The following SFXN3 variants were observed in gnomAD, a reference collection of about 807,000 sequenced individuals.
SFXN3 encodes the protein sideroflexin-3.
A neutral mutation model predicts 40.4 loss-of-function variants in SFXN3; 31 were observed. That is an observed-to-expected ratio of 0.77 (90% confidence interval 0.58 to 1.04). The LOEUF (loss-of-function observed/expected upper bound fraction) is 1.04. Ranked by LOEUF, SFXN3 falls within the 50% of genes least tolerant of loss-of-function variation. SFXN3 has a pLI of 0.00. For missense variants in SFXN3, 366 were observed against 408.2 expected (o/e 0.90, Z 0.89); for synonymous variants, 157 against 160.0 (o/e 0.98, Z 0.14).
chr10:101,032,323 A>G, exon 2 of SFXN3: 3 of 887,932 alleles, frequency 3.4e-6, no homozygotes, highest in Non-Finnish European at 4.9e-6. Flanking sequence ...GGTTCTGCCA[A>G]TCCCCGTGCC....
intron 9 of SFXN3, 64 bp downstream of exon 9, chr10:101,037,495 A>G (rs878898133): frequency 6.2e-7 from 1 of 1,613,158 alleles, no homozygotes; most frequent in Non-Finnish European, 8.5e-7. Flanking sequence ...CCAGGCCCCA[A>G]CTCTCTCTCC....
intron 10 of SFXN3, 72 bp downstream of exon 10, chr10:101,038,764 T>A: frequency 1.3e-6 from 2 of 1,596,612 alleles, no homozygotes; most frequent in Non-Finnish European, 1.7e-6. Context: ...GGGTATGGAT[T>A]GTCTTTAAGA....
intron 4 of SFXN3, 43 bp downstream of exon 4, chr10:101,035,710 G>A (rs754528242): frequency 6.4e-7 from 1 of 1,567,108 alleles, no homozygotes; most frequent in Non-Finnish European, 8.7e-7. Flanking sequence ...CCCTAAGCTA[G>A]AGCATAGCTT....
Position 101,039,247 on chromosome 10 carries a change from G to C in SFXN3, c.869+25G>C. 1 of 1,591,922 alleles carries C rather than the reference G, an allele frequency of 6.3e-7. No homozygotes were observed. The highest frequency in any genetic ancestry group is 8.6e-7 in the Non-Finnish European group (1 of 1,167,160). On this transcript the variant is annotated intron_variant, in intron 11 of 11. Transcript: ENST00000393459. The surrounding 1 kb of genome is among the most constrained non-coding windows in gnomAD (Gnocchi z 4.6). ...GGTAAGTGCTGTCCCTGGGCTGGGTGGGGGACTCTGGATTGGACTCTGCAT... is the reference window on the plus strand; with the variant it reads ...GGTAAGTGCTGTCCCTGGGCTGGGTCGGGGACTCTGGATTGGACTCTGCAT...
At chr10:101,034,643 G>T in intron 2 of SFXN3, 49 bp from the exon 3 acceptor site, 1 of 1,594,212 alleles carries the variant, frequency 6.3e-7, no homozygotes, top group Non-Finnish European at 8.6e-7. Flanking sequence ...CCTAGCTGGA[G>T]CCCTTGGACC....
At chr10:101,035,886 A>G (rs1231145219) in intron 4 of SFXN3, 117 bp from the exon 5 acceptor site, 9 of 1,158,292 alleles carry the variant, frequency 7.8e-6, no homozygotes, top group Non-Finnish European at 1.2e-5. Context: ...AACAGGTTCT[A>G]GGGCCATTAA....
chr10:101,034,859 A>AC lies in SFXN3; in HGVS notation c.161+6dup. The AC allele has an allele frequency of 6.2e-7, 1 of 1,612,370 alleles. No individual in the cohort carries two copies. Among genetic ancestry groups the AC allele is most frequent in the Non-Finnish European group, 8.5e-7 (1 of 1,178,960 alleles). ...GGAACATCGTGCAGAACTACAGGTGACCACCCCTCAATCTGACCCTGTGTG... is the reference window on the plus strand; with the variant it reads ...GGAACATCGTGCAGAACTACAGGTGACCCACCCCTCAATCTGACCCTGTGTG... On this transcript the variant is annotated splice_donor_region_variant and intron_variant, in intron 3 of 11. Transcript: ENST00000393459.
Position 101,036,709 on chromosome 10 carries a change from C to A in SFXN3, c.508-14C>A. 2.5e-6 allele frequency: 4 copies of A among 1,606,230 alleles called. No homozygotes were observed. Among genetic ancestry groups the A allele is most frequent in the Non-Finnish European group, 2.6e-6 (3 of 1,174,046 alleles). ...TGGCCCTTAGGGCCACTGAACAACA[C>A]CCTTCCTCCCCAGCACCTGCCCCCC... On this transcript the variant is annotated splice_polypyrimidine_tract_variant and intron_variant, in intron 6 of 11. Coordinates refer to ENST00000393459, the Ensembl canonical transcript of SFXN3. This position sits in a 1 kb window ranked among gnomAD's most constrained non-coding sequence, Gnocchi z 4.2.
intron 2 of SFXN3, among the ~76,000 whole-genome samples, chr10:101,033,683 G>A (rs966357477): frequency 5.3e-5 from 8 of 152,150 alleles, no homozygotes; most frequent in Non-Finnish European, 1.0e-4. Flanking sequence ...ATCTGCACCG[G>A]CACCGGTCTC....
intron 9 of SFXN3, chr10:101,037,636 C>T: frequency 6.9e-7 from 1 of 1,442,236 alleles, no homozygotes; most frequent in Non-Finnish European, 9.1e-7. Context: ...GAGGAGAGGA[C>T]AAAGGAAGGA....
intron 9 of SFXN3, 71 bp downstream of exon 9, chr10:101,037,502 C>T (rs2275382): frequency 0.26 from 423,003 of 1,613,064 alleles, 58,954 homozygotes; most frequent in Non-Finnish European, 0.29. Context: ...CCAACTCTCT[C>T]TCCAGCCTCG....
At chr10:101,037,091 C>T (rs1219253094) in exon 8 of SFXN3, 27 of 1,613,802 alleles carry the variant, frequency 1.7e-5, no homozygotes, top group Non-Finnish European at 1.9e-5. Context: ...TGCAGGTGGG[C>T]ATCCCGGTGG....
intron 2 of SFXN3, among the ~76,000 whole-genome samples, chr10:101,033,005 G>A (rs1938389605): frequency 6.6e-6 from 1 of 152,188 alleles, no homozygotes; most frequent in Non-Finnish European, 1.5e-5. Flanking sequence ...GCCCTGCCTG[G>A]CCAGGGACCA....
chr10:101,032,379 C>T (rs1199959088), exon 2 of SFXN3: 5 of 1,386,474 alleles, frequency 3.6e-6, no homozygotes, highest in Non-Finnish European at 4.8e-6. Flanking sequence ...CCCTGCTGGT[C>T]GGCGTCACGC....
intron 2 of SFXN3, 46 bp downstream of exon 2, chr10:101,032,528 CA>C (rs1438956886): frequency 6.6e-7 from 1 of 1,510,958 alleles, no homozygotes; most frequent in Non-Finnish European, 8.9e-7. Context: ...GAATGGGGGT[CA>C]GAGAAGGAGG....
At position 101,039,073 on chromosome 10, in the gene SFXN3, T is replaced by C; in HGVS notation, c.822-102T>C. 3 of 1,009,224 alleles carry C rather than the reference T, an allele frequency of 3.0e-6. No homozygotes were observed. Among genetic ancestry groups the C allele is most frequent in the Non-Finnish European group, 4.6e-6 (3 of 655,094 alleles). 62.5% of individuals were successfully genotyped at this position (1,009,224 alleles called of 1,614,324 possible). A position where few individuals can be genotyped will look rare whatever the true frequency, so the allele number is the denominator to read the frequency against. ...AAAAGGTCCTTTCAGCTTTTATCAA[T>C]CTCCACCCCTAGGGCCTATCTCCAA... is the stretch of plus-strand genomic sequence containing the variant. On this transcript the variant is annotated intron_variant, in intron 10 of 11. Transcript: ENST00000393459. The surrounding 1 kb of genome is among the most constrained non-coding windows in gnomAD (Gnocchi z 4.6).
At position 101,037,065 on chromosome 10, in the gene SFXN3, C is replaced by A. The variant is rs372399931; in HGVS notation, c.594-11C>A. The A allele has an allele frequency of 7.1e-5, 114 of 1,613,268 alleles. No individual in the cohort carries two copies. The highest frequency in any genetic ancestry group is 9.0e-5 in the Non-Finnish European group (106 of 1,179,970). ...GGCCTGTGATCTGACCCCAACCCCCCTCCCTTGCAGAGAGCTGCAGGTGGG... is the reference window on the plus strand; with the variant it reads ...GGCCTGTGATCTGACCCCAACCCCCATCCCTTGCAGAGAGCTGCAGGTGGG... On this transcript the variant is annotated splice_polypyrimidine_tract_variant and intron_variant, in intron 7 of 11. Transcript: ENST00000393459.
chr10:101,034,791 C>T (rs759504875), exon 3 of SFXN3: 23 of 1,614,042 alleles, frequency 1.4e-5, no homozygotes, highest in Non-Finnish European at 1.8e-5. Flanking sequence ...TGTTACTGAT[C>T]CTCGAAATCT....
rs750146583 is a variant in SFXN3 at position 101,035,510 on chromosome 10, AC to A, written c.179del (p.Pro60GlnfsTer29). The A allele has an allele frequency of 5.0e-6, 8 of 1,603,734 alleles. No homozygotes were observed. In the African/African-American group the frequency reaches 1.1e-4, roughly 21 times the overall value. Reference sequence around the variant, plus strand: ...CAACTTCTGCAGGGCCGGCGTGGTGACCCCAGGGATCACCGAGGACCAGCTG... The same window carrying A: ...CAACTTCTGCAGGGCCGGCGTGGTGACCCAGGGATCACCGAGGACCAGCTG... On this transcript the variant is annotated frameshift_variant, in exon 4 of 12. Coordinates refer to ENST00000393459, the Ensembl canonical transcript of SFXN3. LOFTEE classifies it high-confidence loss of function.
Sources: allele counts gnomAD v4.1 joint callset (sites outside exome capture counted in the v4.1 genomes callset), GRCh38; gene constraint gnomAD v4.1.1; non-coding constraint Gnocchi (gnomAD v3.1); transcripts MANE v1.5; gene names NCBI Gene and HGNC (gene_info 2026-07-23, HGNC 2026-07-21).